The following POU2F1 variants were observed in gnomAD, a reference collection of about 807,000 sequenced individuals.
POU2F1 encodes POU domain, class 2, transcription factor 1.
In POU2F1, 16 loss-of-function variants were observed where a neutral mutation model predicts 84.9. That is an observed-to-expected ratio of 0.19 (90% CI 0.13 to 0.29). The LOEUF (loss-of-function observed/expected upper bound fraction) is 0.29. POU2F1 is among the 10% of genes least tolerant of loss of function. The pLI is 1.00. For missense variants in POU2F1, 738 were observed against 942.6 expected, an observed-to-expected ratio of 0.78 and a Z score of 2.84; for synonymous variants, 368 against 368.3, an observed-to-expected ratio of 1.00 and a Z score of 0.01.
At chr1:167,335,598 A>G (rs540922884) in intron 2 of POU2F1, among the ~76,000 whole-genome samples, 11 of 152,278 alleles carry the variant, frequency 7.2e-5, no homozygotes, top group South Asian at 4.1e-4. Context: ...AAACTGAGCA[A>G]TCATTCACAT....
At chr1:167,322,806 G>A (rs185196158) in intron 1 of POU2F1, among the ~76,000 whole-genome samples, 3 of 152,334 alleles carry the variant, frequency 2.0e-5, no homozygotes, top group East Asian at 1.9e-4. Flanking sequence ...AGATTAAAAC[G>A]GGAAACAAAG....
At chr1:167,253,451 G>A (rs1252520366) in intron 1 of POU2F1, among the ~76,000 whole-genome samples, 1 of 141,634 alleles carries the variant, frequency 7.1e-6, no homozygotes, top group Non-Finnish European at 1.5e-5. Flanking sequence ...GGGTTTTTTT[G>A]GTCTTACTCT....
intron 1 of POU2F1, chr1:167,318,907 C>G (rs1319798630): frequency 6.5e-6 from 1 of 154,188 alleles, no homozygotes; most frequent in Non-Finnish European, 1.4e-5. Context: ...TAATTGTTCT[C>G]TGTGTCAGCC....
At chr1:167,332,442 A>G (rs1397825603) in intron 1 of POU2F1, 28 bp from the exon 2 acceptor site, 5 of 1,580,464 alleles carry the variant, frequency 3.2e-6, no homozygotes, top group Non-Finnish European at 4.3e-6. Context: ...GTTTTTTAAA[A>G]ACCTTATTCT....
rs775808427 is a variant in POU2F1, at chr1:167,401,417, G to A, written c.1450-34G>A. 3.5e-6 allele frequency: 5 copies of A among 1,446,206 alleles called. No individual in the cohort carries two copies. The South Asian group carries it at 6.0e-5, about 17-fold the overall frequency. 89.6% of individuals were successfully genotyped at this position (1,446,206 alleles called of 1,614,324 possible). Reference sequence around the variant, plus strand: ...TTTCCTCTTTAAGTTTTGATTTTAAGTGCTTTGTCCATGTTTTCATTTCTG... The same window carrying A: ...TTTCCTCTTTAAGTTTTGATTTTAAATGCTTTGTCCATGTTTTCATTTCTG... On this transcript the variant is annotated intron_variant, in intron 12 of 15. Coordinates refer to ENST00000367866, the MANE Select transcript of POU2F1 (RefSeq NM_002697.4).
At chr1:167,328,897 A>C (rs1047247079) in intron 1 of POU2F1, 1 of 286,218 alleles carries the variant, frequency 3.5e-6, no homozygotes. Context: ...AGAGATTTGC[A>C]TAAGGCCCTA....
rs1323425338 is a variant in POU2F1 at position 167,371,810 on chromosome 1, G to A, written c.283-107G>A. ...AGAAAGGAGGTAAACCAGAACTCAT[G>A]ACTGAATAAGCTCATGTTTTAAATG... On this transcript the variant is annotated intron_variant, in intron 4 of 15. Transcript: ENST00000367866. 2.0e-6 allele frequency: 3 copies of A among 1,479,226 alleles called. No individual in the cohort carries two copies. In the East Asian group the frequency reaches 6.9e-5, roughly 34 times the overall value. The allele number at this position is 1,479,226 out of a possible 1,614,324, so 91.6% of individuals were successfully genotyped here.
intron 8 of POU2F1, among the ~76,000 whole-genome samples, chr1:167,385,963 A>G (rs1243436701): frequency 1.3e-5 from 2 of 152,230 alleles, no homozygotes. Context: ...TACGTCACCA[A>G]AGATGATATG....
At chr1:167,353,008 G>C (rs1237624149) in intron 2 of POU2F1, among the ~76,000 whole-genome samples, 1 of 152,180 alleles carries the variant, frequency 6.6e-6, no homozygotes, top group African/African-American at 2.4e-5. Context: ...TGTTCATGAA[G>C]GGAAGAAACC....
At chr1:167,358,122 C>CTTTTTTTTTT (rs763521021) in intron 2 of POU2F1, among the ~76,000 whole-genome samples, 7 of 97,192 alleles carry the variant, frequency 7.2e-5, no homozygotes, top group Non-Finnish European at 1.4e-4. Flanking sequence ...TTTTTCTTTT[C>CTTTTTTTTTT]TTTTTTTTTT....
rs150303199 is a variant in POU2F1, at chr1:167,389,743, C to T, written c.969C>T (p.Ile323=). The T allele has an allele frequency of 9.9e-6, 16 of 1,613,606 alleles. No individual in the cohort carries two copies. The African/African-American group carries it at 1.7e-4, about 17-fold the overall frequency. Reference sequence around the variant, plus strand: ...CCAAGACCTTCAAACAAAGACGAATCAAACTTGGATTCACTCAGGTAGGGT... The same window carrying T: ...CCAAGACCTTCAAACAAAGACGAATTAAACTTGGATTCACTCAGGTAGGGT... ...QFAKTFKQRR[I]KLGFTQGDVG... is the part of the protein sequence containing the mutation. Residue 323 remains isoleucine, a synonymous_variant, in exon 9 of 16, where the codon ATC becomes ATT. Transcript: ENST00000367866.
At chr1:167,301,208 A>G (rs1054625307) in intron 1 of POU2F1, among the ~76,000 whole-genome samples, 2 of 152,110 alleles carry the variant, frequency 1.3e-5, no homozygotes, top group African/African-American at 4.8e-5. Flanking sequence ...AATGTTACCT[A>G]TTACATTAGG....
chr1:167,221,888 G>T (rs1019792684), intron 1 of POU2F1, among the ~76,000 whole-genome samples: 1 of 151,864 alleles, frequency 6.6e-6, no homozygotes, highest in African/African-American at 2.4e-5. Context: ...GATGTCCTCT[G>T]GGGCGGCCCG....
At chr1:167,405,119 A>G (rs1649478988) in intron 13 of POU2F1, among the ~76,000 whole-genome samples, 2 of 152,182 alleles carry the variant, frequency 1.3e-5, no homozygotes, top group African/African-American at 4.8e-5. Context: ...CGAGTGTTCC[A>G]TTGTGTCTCA....
At chr1:167,373,783 G>T (rs1409694446) in intron 5 of POU2F1, among the ~76,000 whole-genome samples, 8 of 151,658 alleles carry the variant, frequency 5.3e-5, no homozygotes, top group Admixed American at 5.2e-4. Flanking sequence ...CTGTTTGGTT[G>T]TGTGTAAATG....
At chr1:167,413,349 ATACT>A (rs1318295902) in intron 15 of POU2F1, among the ~76,000 whole-genome samples, 1 of 152,220 alleles carries the variant, frequency 6.6e-6, no homozygotes, top group African/African-American at 2.4e-5. Context: ...AGCAGGAAAT[ATACT>A]TAGTTTGGTA....
intron 1 of POU2F1, among the ~76,000 whole-genome samples, chr1:167,323,763 G>A (rs1039107762): frequency 2.0e-5 from 3 of 152,146 alleles, no homozygotes; most frequent in African/African-American, 7.2e-5. Context: ...CGCGATCTCG[G>A]CTCAATGCAA....
intron 1 of POU2F1, among the ~76,000 whole-genome samples, chr1:167,322,373 G>A (rs567420934): frequency 4.6e-5 from 7 of 152,138 alleles, no homozygotes; most frequent in Non-Finnish European, 8.8e-5. Context: ...ACTTCTGTAC[G>A]TACTTGCACT....
chr1:167,247,261 A>T (rs1469898950), intron 1 of POU2F1, among the ~76,000 whole-genome samples: 2 of 151,944 alleles, frequency 1.3e-5, no homozygotes, highest in Non-Finnish European at 1.5e-5. Context: ...TATTTTTTGT[A>T]GAGACGGTTG....
Sources: gnomAD v4.1 joint callset for allele counts (sites outside exome capture counted in the v4.1 genomes callset) on GRCh38, gnomAD v4.1.1 for gene constraint, MANE v1.5 for transcripts, NCBI Gene and HGNC (gene_info 2026-07-23, HGNC 2026-07-21) for gene names.